The following PRKG1 variants were observed in gnomAD, a reference collection of about 807,000 sequenced individuals.
PRKG1 encodes cGMP-dependent protein kinase 1.
Under a neutral mutation model 88.1 loss-of-function variants are expected in PRKG1, and 35 were observed. The observed-to-expected ratio is 0.40, with a 90% confidence interval of 0.30 to 0.53. The LOEUF is 0.53. Among genes scored for constraint, PRKG1 ranks in the 20% least tolerant of loss-of-function variants. The pLI is 0.59. For missense variants in PRKG1, 540 were observed against 839.8 expected, an observed-to-expected ratio of 0.64 and a Z score of 4.41; for synonymous variants, 303 against 292.5, an observed-to-expected ratio of 1.04 and a Z score of -0.37.
intron 4 of PRKG1, among the ~76,000 whole-genome samples, chr10:51,836,256 T>C (rs1840128129): frequency 6.6e-6 from 1 of 152,192 alleles, no homozygotes; most frequent in South Asian, 2.1e-4. Flanking sequence ...TTGACAAATG[T>C]GCCAAGAACA....
chr10:51,793,388 C>T (rs1046023948), intron 3 of PRKG1, among the ~76,000 whole-genome samples: 3 of 151,776 alleles, frequency 2.0e-5, no homozygotes, highest in Non-Finnish European at 2.9e-5. Flanking sequence ...GAACAAAAAA[C>T]TTGTGAAATT....
intron 1 of PRKG1, among the ~76,000 whole-genome samples, chr10:50,998,031 A>G (rs1158391823): frequency 2.0e-5 from 3 of 152,182 alleles, no homozygotes; most frequent in African/African-American, 7.2e-5. Flanking sequence ...TAGGTCTGTT[A>G]TTATAAGTAG....
At chr10:52,104,195 A>G (rs1021795247) in intron 7 of PRKG1, among the ~76,000 whole-genome samples, 1 of 151,686 alleles carries the variant, frequency 6.6e-6, no homozygotes, top group Admixed American at 6.6e-5. Flanking sequence ...TGTACATAGG[A>G]ATACATTAAT....
intron 5 of PRKG1, among the ~76,000 whole-genome samples, chr10:52,049,015 A>G (rs1845926482): frequency 6.6e-6 from 1 of 152,166 alleles, no homozygotes; most frequent in Non-Finnish European, 1.5e-5. Flanking sequence ...GCAAAAGAGT[A>G]ATAATTTCAG....
intron 3 of PRKG1, among the ~76,000 whole-genome samples, chr10:51,504,200 G>T (rs1003984713): frequency 7.9e-5 from 12 of 152,124 alleles, no homozygotes; most frequent in Admixed American, 7.9e-4. Flanking sequence ...AAGGTGCAAA[G>T]AATCTGATTA....
chr10:51,265,195 T>A (rs1029055255), intron 2 of PRKG1, among the ~76,000 whole-genome samples: 2 of 152,142 alleles, frequency 1.3e-5, no homozygotes, highest in East Asian at 3.8e-4. Flanking sequence ...AAAACACTTA[T>A]TTGGGTATAT....
At chr10:51,542,893 C>T (rs1842344035) in intron 3 of PRKG1, among the ~76,000 whole-genome samples, 1 of 152,168 alleles carries the variant, frequency 6.6e-6, no homozygotes, top group African/African-American at 2.4e-5. Flanking sequence ...TTGCCTATGA[C>T]ACTGCAAACA....
At chr10:51,070,055 T>C (rs1843804258), upstream of PRKG1, among the ~76,000 whole-genome samples, 1 of 152,058 alleles carries the variant, frequency 6.6e-6, no homozygotes. Flanking sequence ...GTCAAGCAAG[T>C]TGATGTTAAA....
At chr10:51,327,869 A>G (rs1427092732) in intron 2 of PRKG1, among the ~76,000 whole-genome samples, 1 of 152,230 alleles carries the variant, frequency 6.6e-6, no homozygotes, top group African/African-American at 2.4e-5. Context: ...GTGGCACATG[A>G]CTGTATTTAC....
At chr10:51,483,671 C>A (rs1400725192) in intron 3 of PRKG1, among the ~76,000 whole-genome samples, 4 of 152,156 alleles carry the variant, frequency 2.6e-5, no homozygotes, top group African/African-American at 7.2e-5. Context: ...GTGTGACAGG[C>A]CTTCAAGGTT....
intron 1 of PRKG1, among the ~76,000 whole-genome samples, chr10:51,134,410 G>A (rs1845641182): frequency 6.6e-6 from 1 of 152,066 alleles, no homozygotes. Flanking sequence ...ATCTCTAACT[G>A]ATGATCTCTT....
intron 1 of PRKG1, among the ~76,000 whole-genome samples, chr10:51,118,115 G>T (rs1437958677): frequency 6.6e-6 from 1 of 151,360 alleles, no homozygotes; most frequent in Non-Finnish European, 1.5e-5. Flanking sequence ...AGTCTTTGAG[G>T]TTCTAAGTTC....
intron 5 of PRKG1, among the ~76,000 whole-genome samples, chr10:52,037,847 A>G (rs1013721461): frequency 2.6e-5 from 4 of 151,846 alleles, no homozygotes; most frequent in African/African-American, 4.8e-5. Flanking sequence ...GGTCAGATGG[A>G]TCTGTAGAAA....
chr10:51,195,809 G>T (rs1038008493), intron 2 of PRKG1, among the ~76,000 whole-genome samples: 1 of 152,092 alleles, frequency 6.6e-6, no homozygotes, highest in Non-Finnish European at 1.5e-5. Flanking sequence ...ATCAGAAGTG[G>T]TTATTCTTTT....
intron 2 of PRKG1, among the ~76,000 whole-genome samples, chr10:51,193,477 A>ACATTATTTG (rs1837683260): frequency 6.6e-6 from 1 of 152,004 alleles, no homozygotes; most frequent in Non-Finnish European, 1.5e-5. Context: ...TAATGAAACT[A>ACATTATTTG]CATTATTTGC....
intron 12 of PRKG1, among the ~76,000 whole-genome samples, chr10:52,279,506 C>T (rs1841952382): frequency 6.6e-6 from 1 of 152,140 alleles, no homozygotes; most frequent in Non-Finnish European, 1.5e-5. Flanking sequence ...ATATTAGTAG[C>T]TGAAATGAAG....
intron 2 of PRKG1, among the ~76,000 whole-genome samples, chr10:51,325,070 G>A (rs1020238322): frequency 1.3e-5 from 2 of 151,954 alleles, no homozygotes; most frequent in Non-Finnish European, 2.9e-5. Flanking sequence ...ATAGCCATTC[G>A]AACTAGGGTG....
intron 2 of PRKG1, among the ~76,000 whole-genome samples, chr10:51,412,342 A>T (rs1283531985): frequency 5.3e-5 from 8 of 152,102 alleles, no homozygotes; most frequent in Non-Finnish European, 1.2e-4. Context: ...TTGTGCTGAA[A>T]ACCACCTGCC....
At chr10:51,532,820 C>T (rs1842051152) in intron 3 of PRKG1, among the ~76,000 whole-genome samples, 1 of 152,166 alleles carries the variant, frequency 6.6e-6, no homozygotes, top group Non-Finnish European at 1.5e-5. Context: ...TGGACAACCA[C>T]CTAAATCAAT....
Sources: gnomAD v4.1 joint callset for allele counts (sites outside exome capture counted in the v4.1 genomes callset) on GRCh38, gnomAD v4.1.1 for gene constraint, MANE v1.5 for transcripts, NCBI Gene and HGNC (gene_info 2026-07-23, HGNC 2026-07-21) for gene names.